MIER3: variants seen among roughly 807,000 people sequenced by gnomAD.
MIER3 encodes the protein MIER family member 3.
A neutral mutation model predicts 63.2 loss-of-function variants in MIER3; 9 were observed. The ratio of observed to expected loss-of-function variants is 0.14; its 90% CI spans 0.09 to 0.25. The LOEUF (loss-of-function observed/expected upper bound fraction) is 0.25, where lower values mean the gene tolerates loss of function less well. Among genes scored for constraint, MIER3 ranks in the 10% least tolerant of loss-of-function variants. MIER3 has a pLI of 1.00. For synonymous variants in MIER3, 205 were observed against 224.9 expected (o/e 0.91, Z 0.79); for missense variants, 512 against 666.2 (o/e 0.77, Z 2.55).
intron 9 of MIER3, chr5:56,929,103 C>T (rs1750157703): frequency 2.9e-6 from 1 of 346,654 alleles, no homozygotes; most frequent in Non-Finnish European, 5.2e-6. Context: ...AAAATATAAA[C>T]ACTGCTTTTT....
At chr5:56,927,744 AG>A (rs1319093343) in intron 10 of MIER3, 1 of 152,180 alleles carries the variant, frequency 6.6e-6, no homozygotes, top group Non-Finnish European at 1.5e-5. Flanking sequence ...GGTTTACATT[AG>A]GGTTTACTCT....
chr5:56,939,485 T>A (rs1194701558), intron 3 of MIER3, among the ~76,000 whole-genome samples: 1 of 152,228 alleles, frequency 6.6e-6, no homozygotes, highest in East Asian at 1.9e-4. Flanking sequence ...ATCAGCAATA[T>A]TTATGTTCAA....
In MIER3 at chr5:56,923,109, TC is replaced by T; in HGVS notation, c.*18del. 1.9e-6 allele frequency: 3 copies of T among 1,606,924 alleles called. No individual in the cohort carries two copies. Among genetic ancestry groups the T allele is most frequent in the Non-Finnish European group, 2.6e-6 (3 of 1,174,354 alleles). ...AGTTTACTGGTGCTGCACACGCAGTTCCGGGATCCTCACTCAGGTCACTCAG... is the reference window on the plus strand; with the variant it reads ...AGTTTACTGGTGCTGCACACGCAGTTCGGGATCCTCACTCAGGTCACTCAG... On this transcript the variant is annotated 3_prime_UTR_variant, in exon 13 of 13. Coordinates refer to ENST00000381199, the MANE Select transcript of MIER3 (RefSeq NM_001297599.2).
At chr5:56,937,803 T>G in intron 4 of MIER3, 105 bp from the exon 5 acceptor site, 3 of 890,002 alleles carry the variant, frequency 3.4e-6, no homozygotes, top group Non-Finnish European at 4.6e-6. Context: ...TGGAACCTTA[T>G]GAGAGAAATA....
chr5:56,936,439 GTTC>G (rs1033869304), intron 5 of MIER3, among the ~76,000 whole-genome samples: 53 of 152,012 alleles, frequency 3.5e-4, no homozygotes, highest in Middle Eastern at 3.4e-3. Flanking sequence ...TGACCAAACA[GTTC>G]TTCTATCATA....
intron 7 of MIER3, 31 bp downstream of exon 7, chr5:56,935,397 A>G: frequency 6.6e-7 from 1 of 1,521,988 alleles, no homozygotes. Context: ...CTTATCTACC[A>G]AACATTATCA....
chr5:56,928,349 T>C (rs1173485803), intron 10 of MIER3: 1 of 153,054 alleles, frequency 6.5e-6, no homozygotes, highest in East Asian at 1.9e-4. Flanking sequence ...TTGCTTCCCA[T>C]CCTTACCAGC....
chr5:56,951,741 G>A (rs556073658), intron 1 of MIER3, among the ~76,000 whole-genome samples: 1 of 152,044 alleles, frequency 6.6e-6, no homozygotes, highest in South Asian at 2.1e-4. Context: ...GCCCGGGGAA[G>A]AGGCGCGGAG....
chr5:56,928,899 A>T (rs1259360272), intron 9 of MIER3, 38 bp from the exon 10 acceptor site: 1 of 1,478,222 alleles, frequency 6.8e-7, no homozygotes, highest in South Asian at 1.2e-5. Flanking sequence ...TGGGCCCCCA[A>T]ATTTTCTTAT....
At chr5:56,925,229 T>G (rs1749906178) in intron 10 of MIER3, 1 of 346,874 alleles carries the variant, frequency 2.9e-6, no homozygotes, top group Non-Finnish European at 5.6e-6. Flanking sequence ...GTGTGAAATT[T>G]TCAACATCAA....
rs199504226 is a variant in MIER3, at chr5:56,921,940, T to TA, written c.*1187dup. ...GGCTTCTCATTCACAATATTTGGAA[T>TA]AAAAATAAAACTGAGTTTGAGATAC... On this transcript the variant is annotated 3_prime_UTR_variant, in exon 13 of 13. Transcript: ENST00000381199. The TA allele has an allele frequency of 0.013, 2,049 of 152,708 alleles. 20 individuals are homozygous for TA. Among genetic ancestry groups the TA allele is most frequent in the Non-Finnish European group, 0.021 (1,427 of 67,992 alleles). 9.5% of individuals were successfully genotyped at this position (152,708 alleles called of 1,614,324 possible).
Position 56,937,801 on chromosome 5 carries a change from T to C in MIER3, c.316-103A>G, listed in dbSNP as rs1750502548. On this transcript the variant is annotated intron_variant, in intron 4 of 12. Coordinates refer to ENST00000381199, the MANE Select transcript of MIER3 (RefSeq NM_001297599.2). ...TATCATTAAGAAGCAGTTGGAACCT[T>C]ATGAGAGAAATATGAAATTCTCCTA... The C allele has an allele frequency of 1.8e-5, 17 of 920,388 alleles. 1 individual carries two copies. Among genetic ancestry groups the C allele is most frequent in the Non-Finnish European group, 1.6e-5 (11 of 679,118 alleles). The allele number at this position is 920,388 out of a possible 1,614,324, so 57.0% of individuals were successfully genotyped here. A position where few individuals can be genotyped will look rare whatever the true frequency, so the allele number is the denominator to read the frequency against.
At chr5:56,938,701 A>C (rs1486260223) in intron 4 of MIER3, 182 bp downstream of exon 4, 1 of 646,658 alleles carries the variant, frequency 1.5e-6, no homozygotes, top group Non-Finnish European at 2.6e-6. Flanking sequence ...TGAAGCTGCT[A>C]TTAATACTAC....
intron 3 of MIER3, chr5:56,941,274 A>G (rs1410555762): frequency 3.0e-6 from 1 of 333,724 alleles, no homozygotes; most frequent in East Asian, 1.7e-4. Flanking sequence ...GAATACTGGT[A>G]TGGAGTATGG....
At chr5:56,951,890 G>A (rs1751049216) in intron 1 of MIER3, among the ~76,000 whole-genome samples, 1 of 150,400 alleles carries the variant, frequency 6.6e-6, no homozygotes. Context: ...GCCTAGTCCC[G>A]GAGGGAGACC....
At chr5:56,929,611 A>T (rs1750185323) in intron 9 of MIER3, 1 of 152,176 alleles carries the variant, frequency 6.6e-6, no homozygotes. Context: ...TAGAGACCAT[A>T]AGTAAAGCAT....
intron 3 of MIER3, chr5:56,941,328 G>A (rs2591962): frequency 0.2 from 36,794 of 181,676 alleles, 4,245 homozygotes; most frequent in East Asian, 0.4. Context: ...CTTGAAAGAT[G>A]ACAAGGCTTT....
chr5:56,937,459 T>A, intron 5 of MIER3, 119 bp downstream of exon 5: 3 of 1,021,606 alleles, frequency 2.9e-6, no homozygotes, highest in Non-Finnish European at 4.1e-6. Flanking sequence ...TATAGAAGTA[T>A]TTTATCTCAA....
intron 3 of MIER3, chr5:56,941,129 G>C (rs1054115421): frequency 1.0e-6 from 1 of 985,360 alleles, no homozygotes; most frequent in Non-Finnish European, 1.2e-6. Context: ...AAGGAATTCA[G>C]TCTTAGTGGG....
Sources: gnomAD v4.1 joint callset for allele counts (sites outside exome capture counted in the v4.1 genomes callset) on GRCh38, gnomAD v4.1.1 for gene constraint, MANE v1.5 for transcripts, NCBI Gene and HGNC (gene_info 2026-07-23, HGNC 2026-07-21) for gene names.